The following AGAP1 variants were observed in gnomAD, a reference collection of about 807,000 sequenced individuals.
The protein encoded by AGAP1 is ArfGAP with GTPase domain, ankyrin repeat and PH domain 1.
Under a neutral mutation model 105.3 loss-of-function variants are expected in AGAP1, and 29 were observed. The observed-to-expected ratio is 0.28, with a 90% CI of 0.21 to 0.38. The LOEUF (loss-of-function observed/expected upper bound fraction) is 0.38, where lower values mean the gene tolerates loss of function less well. AGAP1 is among the 10% of genes least tolerant of loss of function. The pLI is 1.00. For synonymous variants in AGAP1, 509 were observed against 485.9 expected, an observed-to-expected ratio of 1.05 and a Z score of -0.63; for missense variants, 998 against 1,165.1, an observed-to-expected ratio of 0.86 and a Z score of 2.09.
At chr2:235,813,565 G>T (rs533518043) in intron 9 of AGAP1, among the ~76,000 whole-genome samples, 45 of 152,344 alleles carry the variant, frequency 3.0e-4, no homozygotes, top group Non-Finnish European at 6.5e-4. Context: ...AGACCCCTAG[G>T]GGGGCGGGCA....
chr2:235,783,910 T>G (rs2149954942), intron 6 of AGAP1, among the ~76,000 whole-genome samples: 1 of 152,236 alleles, frequency 6.6e-6, no homozygotes, highest in African/African-American at 2.4e-5. Flanking sequence ...TGTTGAAATG[T>G]GTGGGAGTGA....
At chr2:235,588,833 T>C (rs1328897174) in intron 1 of AGAP1, among the ~76,000 whole-genome samples, 5 of 152,110 alleles carry the variant, frequency 3.3e-5, no homozygotes, top group Non-Finnish European at 5.9e-5. Context: ...ACCCAGCACG[T>C]TGGGGATTGT....
intron 11 of AGAP1, among the ~76,000 whole-genome samples, chr2:235,918,870 T>G (rs935072323): frequency 2.0e-5 from 3 of 152,184 alleles, no homozygotes; most frequent in African/African-American, 7.2e-5. Context: ...TTATTTGAAC[T>G]CTAAGTGGAG....
At chr2:235,853,276 T>C (rs2048556055) in intron 9 of AGAP1, 1 of 959,068 alleles carries the variant, frequency 1.0e-6, no homozygotes, top group Non-Finnish European at 1.2e-6. Context: ...CCTACTCTGC[T>C]TCAAGATTTG....
intron 6 of AGAP1, among the ~76,000 whole-genome samples, chr2:235,775,262 G>A (rs943762224): frequency 3.9e-5 from 6 of 152,164 alleles, no homozygotes; most frequent in Non-Finnish European, 8.8e-5. Context: ...TTGTCATGGG[G>A]TGTGTCACCC....
intron 14 of AGAP1, among the ~76,000 whole-genome samples, chr2:236,039,821 G>T (rs952431235): frequency 1.3e-5 from 2 of 152,168 alleles, no homozygotes; most frequent in African/African-American, 2.4e-5. Flanking sequence ...TAAAAGAACA[G>T]ACATCAAAAT....
rs1051327747 is a variant in AGAP1, at chr2:235,696,961, C to T, written c.164-12218C>T. On this transcript the variant is annotated intron_variant, in intron 1 of 17. Coordinates refer to ENST00000304032, the MANE Select transcript of AGAP1 (RefSeq NM_001037131.3). ...ATGGCACCACTGCACTCCAGCCTGG[C>T]GACAGAGCCTGGAGACTCGATCTCA... is the stretch of plus-strand genomic sequence containing the variant. Among the ~76,000 whole-genome samples the T allele has an allele frequency of 9.9e-5, 15 of 151,524 alleles. No individual in the cohort carries two copies. In the South Asian group the frequency reaches 1.9e-3, roughly 19 times the overall value.
chr2:236,029,874 G>A (rs1441940033), intron 13 of AGAP1, among the ~76,000 whole-genome samples: 1 of 152,024 alleles, frequency 6.6e-6, no homozygotes, highest in Non-Finnish European at 1.5e-5. Flanking sequence ...AAGTAGCTGG[G>A]ACTACAGGTG....
intron 1 of AGAP1, among the ~76,000 whole-genome samples, chr2:235,512,603 G>GTCAA (rs562294006): frequency 2.3e-4 from 35 of 152,192 alleles, no homozygotes; most frequent in African/African-American, 5.5e-4. Flanking sequence ...TTAAAAATCA[G>GTCAA]TCAATCAATC....
rs1448407602 is a variant in AGAP1, at chr2:236,040,833, A to G, written c.1883A>G (p.Glu628Gly). Residue 628 changes from glutamate (E) to glycine (G), a missense_variant, in exon 15 of 18, where the codon GAG becomes GGG. Glu to Gly is a moderately conservative substitution (Grantham distance 98, BLOSUM62 -2). Around this residue, in one of 3 missense-constraint regions of AGAP1, gnomAD observed 28 missense variants for 61.0 expected, o/e 0.46. Coordinates refer to ENST00000304032, the MANE Select transcript of AGAP1 (RefSeq NM_001037131.3). The surrounding 1 kb of genome is among the most constrained non-coding windows in gnomAD (Gnocchi z 5.6). ...GGGAACTCCCACTGTGTGGACTGCG[A>G]GACCCAGAGTAAGTGTGTGCGGTGG... ...MRGNSHCVDCETQNPNWASLN... is the reference protein window; with the variant it reads ...MRGNSHCVDCGTQNPNWASLN... The G allele has an allele frequency of 6.2e-7, 1 of 1,614,050 alleles. No individual in the cohort carries two copies. Among genetic ancestry groups the G allele is most frequent in the African/African-American group, 1.3e-5 (1 of 74,916 alleles).
intron 1 of AGAP1, among the ~76,000 whole-genome samples, chr2:235,560,125 C>T (rs557250215): frequency 2.0e-5 from 3 of 152,150 alleles, no homozygotes; most frequent in South Asian, 2.1e-4. Flanking sequence ...GTTTCTTTTA[C>T]GTTTAGGTCT....
chr2:235,775,554 C>T (rs1489243558), intron 6 of AGAP1: 1 of 152,166 alleles, frequency 6.6e-6, no homozygotes, highest in East Asian at 1.9e-4. Context: ...CTAGATTTCT[C>T]TGTCTGCCAG....
Position 236,078,843 on chromosome 2 carries a change from C to G in AGAP1, c.2114+29562C>G, listed in dbSNP as rs1030026917. Among the ~76,000 whole-genome samples the G allele has an allele frequency of 1.3e-5, 2 of 152,304 alleles. No homozygotes were observed. Among genetic ancestry groups the G allele is most frequent in the Non-Finnish European group, 2.9e-5 (2 of 68,018 alleles). ...CTACCCCTGCAGCGGCCCCATCCCA[C>G]GTGGTTAAGTGGGTGGCCACACCCA... On this transcript the variant is annotated intron_variant, in intron 16 of 17. Transcript: ENST00000304032. This position sits in a 1 kb window ranked among gnomAD's most constrained non-coding sequence, Gnocchi z 5.3.
At chr2:235,760,371 T>G (rs534339392) in intron 6 of AGAP1, among the ~76,000 whole-genome samples, 2 of 152,312 alleles carry the variant, frequency 1.3e-5, no homozygotes, top group African/African-American at 4.8e-5. Context: ...AGAGCGAGAC[T>G]CCGTCTCAAA....
At chr2:235,674,081 T>A (rs963113460) in intron 1 of AGAP1, among the ~76,000 whole-genome samples, 2 of 152,230 alleles carry the variant, frequency 1.3e-5, no homozygotes, top group African/African-American at 4.8e-5. Flanking sequence ...TTGGAGCACC[T>A]ACCTTTTGTA....
chr2:235,847,968 T>C (rs970434105), intron 9 of AGAP1, among the ~76,000 whole-genome samples: 1 of 152,250 alleles, frequency 6.6e-6, no homozygotes, highest in African/African-American at 2.4e-5. Flanking sequence ...TGAGGAAGAA[T>C]TAAAACCTTT....
In AGAP1 at chr2:236,096,520, G is replaced by C. The variant is rs1325178867; in HGVS notation, c.2115-23672G>C. Among the ~76,000 whole-genome samples the C allele has an allele frequency of 2.0e-5, 3 of 151,992 alleles. No individual in the cohort carries two copies. Among genetic ancestry groups the C allele is most frequent in the African/African-American group, 2.4e-5 (1 of 41,486 alleles). On this transcript the variant is annotated intron_variant, in intron 16 of 17. Coordinates refer to ENST00000304032, the MANE Select transcript of AGAP1 (RefSeq NM_001037131.3). The surrounding 1 kb of genome is among the most constrained non-coding windows in gnomAD (Gnocchi z 4.4). ...CATCTCAAAAAAAAAAAAGCTTCTGGAATGTCATCAGTTAGATGGAATGCC... is the reference window on the plus strand; with the variant it reads ...CATCTCAAAAAAAAAAAAGCTTCTGCAATGTCATCAGTTAGATGGAATGCC...
At chr2:235,997,504 C>G (rs765225523) in intron 13 of AGAP1, among the ~76,000 whole-genome samples, 9 of 152,168 alleles carry the variant, frequency 5.9e-5, no homozygotes, top group Non-Finnish European at 8.8e-5. Context: ...ATTTTTGTAG[C>G]GCGGCCATAC....
rs192359493 is a variant in AGAP1, at chr2:235,904,798, G to A, written c.1156-3940G>A. Reference sequence around the variant, plus strand: ...TTTCAAAACCAGAAAGCTCAGTGTCGTTTCTCTTGGGAGGAACTTGAAGCC... The same window carrying A: ...TTTCAAAACCAGAAAGCTCAGTGTCATTTCTCTTGGGAGGAACTTGAAGCC... On this transcript the variant is annotated intron_variant, in intron 10 of 17. Coordinates refer to ENST00000304032, the MANE Select transcript of AGAP1 (RefSeq NM_001037131.3). The surrounding 1 kb of genome is among the most constrained non-coding windows in gnomAD (Gnocchi z 4.2). Among the ~76,000 whole-genome samples the A allele has an allele frequency of 1.7e-4, 26 of 152,254 alleles. No individual in the cohort carries two copies. The highest frequency in any genetic ancestry group is 5.8e-4 in the African/African-American group (24 of 41,552).
Sources: gnomAD v4.1 joint callset for allele counts (sites outside exome capture counted in the v4.1 genomes callset) on GRCh38, gnomAD v4.1.1 for gene constraint, gnomAD v4.1.1 regional missense constraint, Gnocchi (gnomAD v3.1) non-coding constraint, MANE v1.5 for transcripts, NCBI Gene and HGNC (gene_info 2026-07-23, HGNC 2026-07-21) for gene names.